The following NMU variants were observed in gnomAD, a reference collection of about 807,000 sequenced individuals.
NMU encodes the protein neuromedin U.
NMU carries 29 observed loss-of-function variants against 35.4 expected under a neutral mutation model. The observed-to-expected ratio is 0.82, with a 90% CI of 0.61 to 1.12. NMU has a LOEUF of 1.12. Ranked by LOEUF, NMU falls within the 50% of genes most tolerant of loss-of-function variation. The probability of loss-of-function intolerance (pLI) is 0.00; values close to 1 mark genes in which losing one functional copy is unlikely to be tolerated. For missense variants in NMU, 199 were observed against 206.2 expected, an observed-to-expected ratio of 0.97 and a Z score of 0.21; for synonymous variants, 78 against 81.3, an observed-to-expected ratio of 0.96 and a Z score of 0.22.
At chr4:55,630,179 A>T (rs73236168) in intron 2 of NMU, among the ~76,000 whole-genome samples, 7,702 of 152,022 alleles carry the variant, frequency 0.051, 240 homozygotes, top group Non-Finnish European at 0.076. Flanking sequence ...TTCTTGTATT[A>T]CTCTATTATA....
chr4:55,595,736 G>A (rs983777879), intron 9 of NMU, among the ~76,000 whole-genome samples: 3 of 150,420 alleles, frequency 2.0e-5, no homozygotes, highest in East Asian at 3.9e-4. Context: ...CACCTCCCGG[G>A]ATCAAGCAAT....
intron 2 of NMU, 86 bp from the exon 3 acceptor site, chr4:55,616,471 G>A (rs1306409089): frequency 2.0e-6 from 2 of 989,744 alleles, no homozygotes; most frequent in Non-Finnish European, 3.2e-6. Flanking sequence ...ATTACCTATG[G>A]AACATTAACC....
chr4:55,634,766 A>G (rs1260750815), intron 1 of NMU, among the ~76,000 whole-genome samples: 1 of 152,168 alleles, frequency 6.6e-6, no homozygotes, highest in Non-Finnish European at 1.5e-5. Flanking sequence ...GGGGAAAGTC[A>G]TGTTGTATCA....
At chr4:55,614,399 C>T (rs1346534042) in intron 3 of NMU, among the ~76,000 whole-genome samples, 2 of 152,146 alleles carry the variant, frequency 1.3e-5, no homozygotes, top group South Asian at 4.1e-4. Context: ...AGAACAATTT[C>T]TGCATAGCAT....
chr4:55,613,430 C>CT (rs1441708721), intron 3 of NMU, among the ~76,000 whole-genome samples: 7 of 152,170 alleles, frequency 4.6e-5, no homozygotes, highest in Non-Finnish European at 1.0e-4. Context: ...TTTTAAATGA[C>CT]TAAGTGATGC....
At chr4:55,606,681 C>CTT (rs541449403) in intron 6 of NMU, among the ~76,000 whole-genome samples, 23,670 of 139,838 alleles carry the variant, frequency 0.17, 2,134 homozygotes, top group South Asian at 0.24. Flanking sequence ...TCTTTCTTTT[C>CTT]TTTTTTTTTT....
At position 55,636,295 on chromosome 4, in the gene NMU, G is replaced by A. The variant is rs1332876929; in HGVS notation, c.-103C>T. The A allele has an allele frequency of 2.2e-6, 3 of 1,357,504 alleles. No individual in the cohort carries two copies. Among genetic ancestry groups the A allele is most frequent in the Admixed American group, 7.6e-5 (2 of 26,386 alleles). 84.1% of individuals were successfully genotyped at this position (1,357,504 alleles called of 1,614,324 possible). A position where few individuals can be genotyped will look rare whatever the true frequency, so the allele number is the denominator to read the frequency against. ...GCTGTGCCTCGGGGCCCGGACACAG[G>A]ACTGAGCGCCCGGCGAGCCGCCAAC... On this transcript the variant is annotated 5_prime_UTR_variant, in exon 1 of 10. Coordinates refer to ENST00000264218, the MANE Select transcript of NMU (RefSeq NM_006681.4). This position sits in a 1 kb window ranked among gnomAD's most constrained non-coding sequence, Gnocchi z 4.0.
intron 7 of NMU, 97 bp from the exon 8 acceptor site, chr4:55,600,672 T>C: frequency 2.3e-6 from 2 of 864,260 alleles, no homozygotes; most frequent in Non-Finnish European, 3.9e-6. Flanking sequence ...TACTTTCAAC[T>C]GTCATAACTA....
At chr4:55,632,379 G>A (rs1715650383) in intron 1 of NMU, among the ~76,000 whole-genome samples, 1 of 152,036 alleles carries the variant, frequency 6.6e-6, no homozygotes, top group East Asian at 1.9e-4. Context: ...CAATAATAAT[G>A]ACAGTAATCA....
rs754638227 is a variant in NMU at position 55,630,473 on chromosome 4, T to G, written c.113-13A>C. The G allele has an allele frequency of 1.9e-6, 3 of 1,599,768 alleles. No homozygotes were observed. The highest frequency in any genetic ancestry group is 2.6e-6 in the Non-Finnish European group (3 of 1,167,442). On this transcript the variant is annotated splice_polypyrimidine_tract_variant and intron_variant, in intron 1 of 9. Transcript: ENST00000264218. ...AATATTGGAGCACCTAAAAATAAAG[T>G]TGTAGCCACAGATTAATTTTATAGC...
At chr4:55,606,897 C>T (rs918921716) in intron 6 of NMU, among the ~76,000 whole-genome samples, 9 of 152,028 alleles carry the variant, frequency 5.9e-5, no homozygotes, top group Admixed American at 6.6e-5. Flanking sequence ...AGGCTGGTCT[C>T]GAACTCTGGA....
intron 2 of NMU, among the ~76,000 whole-genome samples, chr4:55,627,185 T>C (rs1012884128): frequency 1.3e-5 from 2 of 152,200 alleles, no homozygotes; most frequent in Admixed American, 6.5e-5. Flanking sequence ...GTGACTGCTA[T>C]TCTCTCCAAG....
At chr4:55,600,416 T>C (rs565982208) in intron 8 of NMU, 106 bp downstream of exon 8, 1 of 772,394 alleles carries the variant, frequency 1.3e-6, no homozygotes, top group Non-Finnish European at 2.2e-6. Flanking sequence ...ATGCCAAACA[T>C]CTATAAACTT....
chr4:55,619,493 A>C (rs1033650026), intron 2 of NMU, among the ~76,000 whole-genome samples: 2 of 140,352 alleles, frequency 1.4e-5, no homozygotes, highest in Non-Finnish European at 3.1e-5. Context: ...ACTATATCCC[A>C]CACCTGGCTC....
chr4:55,596,908 G>GTA (rs1388442394), intron 9 of NMU, among the ~76,000 whole-genome samples: 1 of 152,148 alleles, frequency 6.6e-6, no homozygotes, highest in Non-Finnish European at 1.5e-5. Context: ...TGAGACCATT[G>GTA]TATAAATCAT....
rs146982866 is a variant in NMU, at chr4:55,633,648, A to G, written c.112+2433T>C. On this transcript the variant is annotated intron_variant, in intron 1 of 9. Coordinates refer to ENST00000264218, the MANE Select transcript of NMU (RefSeq NM_006681.4). Reference sequence around the variant, plus strand: ...GTATACGCTGGAAATAATAACTTGTATATCCGTAAGTACATTATGTATAAG... The same window carrying G: ...GTATACGCTGGAAATAATAACTTGTGTATCCGTAAGTACATTATGTATAAG... Among the ~76,000 whole-genome samples, 70 of 152,374 alleles carry G rather than the reference A, an allele frequency of 4.6e-4. No homozygotes were observed. In the East Asian group the frequency reaches 0.012, roughly 26 times the overall value.
intron 7 of NMU, among the ~76,000 whole-genome samples, chr4:55,604,027 A>ATATACATGTGTATATATACACATGTATAT (rs1733567304): frequency 9.7e-4 from 28 of 28,956 alleles, no homozygotes; most frequent in South Asian, 2.3e-3. Flanking sequence ...GTATATATAT[A>ATATACATGTGTATATATACACATGTATAT]ATCCTAGAAA....
intron 5 of NMU, 43 bp downstream of exon 5, chr4:55,607,394 C>T: frequency 7.4e-7 from 1 of 1,347,870 alleles, no homozygotes; most frequent in Non-Finnish European, 1.1e-6. Context: ...TTAATGGTTC[C>T]CTTATTATTT....
chr4:55,595,585 T>C (rs1008065588), intron 9 of NMU, among the ~76,000 whole-genome samples, 174 bp from the exon 10 acceptor site: 15 of 116,644 alleles, frequency 1.3e-4, no homozygotes, highest in Admixed American at 3.7e-4. Flanking sequence ...CACACACACA[T>C]GCACACAGAC....
Sources: gnomAD v4.1 joint callset for allele counts (sites outside exome capture counted in the v4.1 genomes callset) on GRCh38, gnomAD v4.1.1 for gene constraint, Gnocchi (gnomAD v3.1) non-coding constraint, MANE v1.5 for transcripts, NCBI Gene and HGNC (gene_info 2026-07-23, HGNC 2026-07-21) for gene names.